The following AVEN variants were observed in gnomAD, a reference collection of about 807,000 sequenced individuals.
AVEN encodes apoptosis and caspase activation inhibitor.
In AVEN, 41 loss-of-function variants were observed where a neutral mutation model predicts 38.1. The ratio of observed to expected loss-of-function variants is 1.08; its 90% confidence interval spans 0.84 to 1.40. The LOEUF (loss-of-function observed/expected upper bound fraction) is 1.40, where lower values mean the gene tolerates loss of function less well. AVEN is among the 40% of genes most tolerant of loss of function. AVEN has a pLI of 0.00. For synonymous variants in AVEN, 206 were observed against 171.8 expected (o/e 1.20, Z -1.56); for missense variants, 605 against 438.8 (o/e 1.38, Z -3.38).
chr15:34,067,963 AAAG>A (rs1900551530), intron 2 of AVEN, among the ~76,000 whole-genome samples: 1 of 152,240 alleles, frequency 6.6e-6, no homozygotes, highest in Non-Finnish European at 1.5e-5. Flanking sequence ...TTTAATTGTC[AAAG>A]AAGAAGCTGG....
At chr15:33,899,733 T>G (rs1230447863) in intron 2 of AVEN, among the ~76,000 whole-genome samples, 1 of 152,124 alleles carries the variant, frequency 6.6e-6, no homozygotes, top group Non-Finnish European at 1.5e-5. Context: ...CCCAAAGTGC[T>G]GAGATGACAG....
chr15:34,067,411 T>A (rs967930925), intron 2 of AVEN: 2 of 152,232 alleles, frequency 1.3e-5, no homozygotes, highest in Non-Finnish European at 2.9e-5. Flanking sequence ...GGGCTGCTTT[T>A]CTGTATTGTA....
intron 2 of AVEN, among the ~76,000 whole-genome samples, chr15:33,964,163 G>A (rs1243814856): frequency 6.6e-6 from 1 of 151,218 alleles, no homozygotes; most frequent in South Asian, 2.1e-4. Context: ...CTGGAATATA[G>A]GAAGCATTTC....
At chr15:33,947,139 G>C (rs1488336537) in intron 2 of AVEN, among the ~76,000 whole-genome samples, 1 of 152,068 alleles carries the variant, frequency 6.6e-6, no homozygotes, top group Non-Finnish European at 1.5e-5. Flanking sequence ...TAAAGTAGAG[G>C]GTGTCCAAAG....
chr15:34,069,025 A>G (rs1900579699), intron 2 of AVEN, among the ~76,000 whole-genome samples: 2 of 151,198 alleles, frequency 1.3e-5, no homozygotes, highest in African/African-American at 4.8e-5. Flanking sequence ...GTTAGCCAGG[A>G]TGGTCTCGAT....
intron 2 of AVEN, among the ~76,000 whole-genome samples, chr15:33,985,502 A>AGG (rs1465205233): frequency 2.0e-5 from 3 of 151,708 alleles, no homozygotes; most frequent in African/African-American, 7.3e-5. Context: ...CTCATCCCTC[A>AGG]GGGTTGCTTG....
At chr15:33,946,863 G>C (rs549763291) in intron 2 of AVEN, among the ~76,000 whole-genome samples, 1 of 152,156 alleles carries the variant, frequency 6.6e-6, no homozygotes, top group African/African-American at 2.4e-5. Flanking sequence ...GGTCACAGGA[G>C]GAGCAATCTG....
chr15:34,038,850 C>A lies in AVEN; in HGVS notation c.197G>T (p.Arg66Leu). Residue 66 changes from arginine to leucine, a missense_variant, in exon 1 of 6, where the codon CGA (arginine) becomes CTA (leucine). By Grantham distance (102) the Arg-to-Leu change is moderately radical. Transcript: ENST00000306730. Reference protein sequence around the residue: ...GRGFRGARGGRGGGGAPRGSR... With the variant: ...GRGFRGARGGLGGGGAPRGSR... ...GCCTCGCGGGGCGCCTCCTCCTCCTCGGCCTCCGCGAGCGCCGCGGAAGCC... is the reference window on the plus strand; with the variant it reads ...GCCTCGCGGGGCGCCTCCTCCTCCTAGGCCTCCGCGAGCGCCGCGGAAGCC... 8.6e-7 allele frequency: 1 copy of A among 1,165,258 alleles called. No individual in the cohort carries two copies. Among genetic ancestry groups the A allele is most frequent in the Non-Finnish European group, 1.1e-6 (1 of 948,408 alleles). 72.2% of individuals were successfully genotyped at this position (1,165,258 alleles called of 1,614,324 possible). A position where few individuals can be genotyped will look rare whatever the true frequency, so the allele number is the denominator to read the frequency against.
chr15:33,980,198 T>C (rs886483176), intron 2 of AVEN, among the ~76,000 whole-genome samples: 4 of 152,214 alleles, frequency 2.6e-5, no homozygotes, highest in Non-Finnish European at 5.9e-5. Flanking sequence ...AGTATGTAAG[T>C]ATGTCAGGAG....
intron 4 of AVEN, among the ~76,000 whole-genome samples, chr15:33,869,452 G>A (rs918742819): frequency 6.6e-6 from 1 of 152,052 alleles, no homozygotes; most frequent in African/African-American, 2.4e-5. Flanking sequence ...TTTCCCTGGT[G>A]AGTTCTGCTA....
At chr15:33,858,757 T>TGCAGCAACATCGCCAGTTTA (rs2080001187), downstream of AVEN, 1 of 152,276 alleles carries the variant, frequency 6.6e-6, no homozygotes, top group South Asian at 2.1e-4. Context: ...CCAGCTTGGC[T>TGCAGCAACATCGCCAGTTTA]GCAGCAACAT....
At position 34,063,560 on chromosome 15, in the gene AVEN, T is replaced by C; in HGVS notation, n.1127-128A>G. On this transcript the variant is annotated intron_variant and non_coding_transcript_variant, in intron 4 of 11. Coordinates refer to the AVEN transcript ENST00000675287. This position sits in a 1 kb window ranked among gnomAD's most constrained non-coding sequence, Gnocchi z 4.1. ...CCTCCCGCAGGAGCACCTCCACCAC[T>C]GGGAAGCCATCCCAAGCCACTGGCC... 1 of 1,613,466 alleles carries C rather than the reference T, an allele frequency of 6.2e-7. No homozygotes were observed. The highest frequency in any genetic ancestry group is 8.5e-7 in the Non-Finnish European group (1 of 1,179,982).
intron 2 of AVEN, among the ~76,000 whole-genome samples, chr15:33,883,286 C>T (rs529537148): frequency 6.6e-6 from 1 of 152,248 alleles, no homozygotes; most frequent in African/African-American, 2.4e-5. Context: ...TGACGGTGGT[C>T]AGAAATCAGT....
intron 1 of AVEN, among the ~76,000 whole-genome samples, chr15:34,017,806 A>C (rs1898007014): frequency 6.6e-6 from 1 of 152,138 alleles, no homozygotes; most frequent in East Asian, 1.9e-4. Flanking sequence ...TAAAATTATT[A>C]AAAACTCCAT....
At chr15:34,041,514 T>G (rs1259089566), upstream of AVEN, among the ~76,000 whole-genome samples, 1 of 152,304 alleles carries the variant, frequency 6.6e-6, no homozygotes, top group East Asian at 1.9e-4. Context: ...TCCAAAATTA[T>G]GAGGTTGAAA....
intron 1 of AVEN, among the ~76,000 whole-genome samples, chr15:34,004,988 T>C (rs1597338910): frequency 6.6e-6 from 1 of 152,136 alleles, no homozygotes; most frequent in Middle Eastern, 3.4e-3. Context: ...AATAATGAGC[T>C]TTTATTAACA....
intron 1 of AVEN, among the ~76,000 whole-genome samples, chr15:34,009,387 T>C (rs1175329996): frequency 6.6e-6 from 1 of 152,210 alleles, no homozygotes; most frequent in African/African-American, 2.4e-5. Flanking sequence ...ATATTTCTTC[T>C]CTTGTCTTCC....
At chr15:33,946,603 C>T (rs525243) in intron 2 of AVEN, among the ~76,000 whole-genome samples, 99,650 of 151,950 alleles carry the variant, frequency 0.66, 37,039 homozygotes, top group Non-Finnish European at 0.83. Flanking sequence ...ACTGCTATGG[C>T]GCAAGAGGAA....
intron 2 of AVEN, among the ~76,000 whole-genome samples, chr15:33,957,580 T>C (rs527660530): frequency 4.6e-5 from 7 of 152,280 alleles, no homozygotes; most frequent in African/African-American, 1.4e-4. Flanking sequence ...TATCCCAAAA[T>C]TGAAACTAAA....
Sources: allele counts gnomAD v4.1 joint callset (sites outside exome capture counted in the v4.1 genomes callset), GRCh38; gene constraint gnomAD v4.1.1; non-coding constraint Gnocchi (gnomAD v3.1); transcripts MANE v1.5; gene names NCBI Gene and HGNC (gene_info 2026-07-23, HGNC 2026-07-21).